The following CFAP57 variants were observed in gnomAD, a reference collection of about 807,000 sequenced individuals.
CFAP57 encodes the protein cilia- and flagella-associated protein 57.
Under a neutral mutation model 146.8 loss-of-function variants are expected in CFAP57, and 116 were observed. The observed-to-expected ratio is 0.79, with a 90% CI of 0.68 to 0.92. The LOEUF (loss-of-function observed/expected upper bound fraction) is 0.92, where lower values mean the gene tolerates loss of function less well. Among genes scored for constraint, CFAP57 ranks in the 40% least tolerant of loss-of-function variants. CFAP57 has a pLI of 0.00. For synonymous variants in CFAP57, 518 were observed against 552.8 expected, an observed-to-expected ratio of 0.94 and a Z score of 0.88; for missense variants, 1,377 against 1,527.2, an observed-to-expected ratio of 0.90 and a Z score of 1.64.
intron 22 of CFAP57, chr1:43,250,110 TCTTTTA>T (rs1646281638): frequency 6.6e-6 from 1 of 152,382 alleles, no homozygotes; most frequent in African/African-American, 2.4e-5. Context: ...GTATGAGTGC[TCTTTTA>T]CTTATAAGCC....
intron 6 of CFAP57, among the ~76,000 whole-genome samples, chr1:43,194,454 A>G (rs1245244104): frequency 6.6e-6 from 1 of 152,128 alleles, no homozygotes; most frequent in Admixed American, 6.5e-5. Context: ...CTTGGAGTTC[A>G]TTGAGCTTCC....
Position 43,241,018 on chromosome 1 carries a change from C to T in CFAP57, c.3406-2209C>T, listed in dbSNP as rs535995445. On this transcript the variant is annotated intron_variant, in intron 21 of 22. Coordinates refer to ENST00000372492, the MANE Select transcript of CFAP57 (RefSeq NM_001378189.1). Reference sequence around the variant, plus strand: ...CCCGGCTAACTGTTTGTATTTTTAGCGTAGACGGGGTTTCACCATGTTAGC... The same window carrying T: ...CCCGGCTAACTGTTTGTATTTTTAGTGTAGACGGGGTTTCACCATGTTAGC... Among the ~76,000 whole-genome samples the T allele has an allele frequency of 2.6e-5, 4 of 152,220 alleles. 1 individual carries two copies. The highest frequency in any genetic ancestry group is 4.8e-5 in the African/African-American group (2 of 41,534).
chr1:43,246,987 A>C (rs929484770), intron 22 of CFAP57, among the ~76,000 whole-genome samples: 1 of 152,236 alleles, frequency 6.6e-6, no homozygotes, highest in Non-Finnish European at 1.5e-5. Flanking sequence ...CCCATATCAC[A>C]GTTCTTCTTC....
intron 21 of CFAP57, among the ~76,000 whole-genome samples, chr1:43,239,102 G>A (rs1201619743): frequency 6.6e-6 from 1 of 152,032 alleles, no homozygotes. Context: ...GGTTGGGCAG[G>A]GGCCCAACCA....
At chr1:43,222,701 G>A (rs1336988447) in intron 15 of CFAP57, 123 bp from the exon 16 acceptor site, 2 of 1,158,352 alleles carry the variant, frequency 1.7e-6, no homozygotes, top group East Asian at 5.4e-5. Context: ...TCCGTTTCTG[G>A]AATGACACTC....
chr1:43,203,466 T>TTA (rs1215592499), intron 9 of CFAP57, among the ~76,000 whole-genome samples: 2 of 151,820 alleles, frequency 1.3e-5, no homozygotes, highest in Non-Finnish European at 2.9e-5. Flanking sequence ...AAATATATAT[T>TTA]TATATATATA....
At chr1:43,213,190 C>T (rs146409895) in intron 11 of CFAP57, among the ~76,000 whole-genome samples, 101 of 152,118 alleles carry the variant, frequency 6.6e-4, no homozygotes, top group South Asian at 2.7e-3. Context: ...TGGGTTCAAG[C>T]GATTCTTCCA....
At chr1:43,214,534 A>G (rs1644760905) in intron 11 of CFAP57, among the ~76,000 whole-genome samples, 1 of 152,082 alleles carries the variant, frequency 6.6e-6, no homozygotes, top group Non-Finnish European at 1.5e-5. Flanking sequence ...GATATTTTTA[A>G]TTTTTTCCAG....
chr1:43,173,986 C>T (rs1376560110), intron 2 of CFAP57, among the ~76,000 whole-genome samples: 1 of 152,140 alleles, frequency 6.6e-6, no homozygotes, highest in African/African-American at 2.4e-5. Context: ...TTGTGGTTTT[C>T]GTTTGCATTT....
intron 22 of CFAP57, among the ~76,000 whole-genome samples, chr1:43,244,706 C>T (rs1646048009): frequency 6.6e-6 from 1 of 151,730 alleles, no homozygotes; most frequent in Non-Finnish European, 1.5e-5. Flanking sequence ...AGATCGAGAC[C>T]ATCCTGGCCA....
At chr1:43,245,504 T>G (rs1646082069) in intron 22 of CFAP57, among the ~76,000 whole-genome samples, 1 of 152,086 alleles carries the variant, frequency 6.6e-6, no homozygotes, top group African/African-American at 2.4e-5. Flanking sequence ...AGTCCCCTAC[T>G]TCCAACAAAT....
intron 16 of CFAP57, 23 bp from the exon 17 acceptor site, chr1:43,224,020 TTTG>T (rs1645148345): frequency 6.5e-7 from 1 of 1,549,790 alleles, no homozygotes; most frequent in Admixed American, 2.0e-5. Context: ...TTTAGTGGTC[TTTG>T]TTGTTGCTGT....
chr1:43,226,506 G>A (rs1001544743), intron 17 of CFAP57, among the ~76,000 whole-genome samples: 1 of 152,206 alleles, frequency 6.6e-6, no homozygotes, highest in African/African-American at 2.4e-5. Context: ...CCCAATGCAG[G>A]TGTCCCAAGA....
At chr1:43,192,195 A>G (rs1643577332) in intron 6 of CFAP57, among the ~76,000 whole-genome samples, 1 of 152,196 alleles carries the variant, frequency 6.6e-6, no homozygotes, top group Non-Finnish European at 1.5e-5. Context: ...TGCACTTGAG[A>G]AGAATGTATA....
intron 1 of CFAP57, 94 bp downstream of exon 1, chr1:43,172,547 C>T: frequency 3.5e-6 from 3 of 863,264 alleles, no homozygotes; most frequent in Non-Finnish European, 4.8e-6. Context: ...GGTGGGGTGG[C>T]GCGGAGGAGG....
intron 2 of CFAP57, among the ~76,000 whole-genome samples, chr1:43,173,540 A>G (rs11807566): frequency 0.022 from 3,285 of 152,298 alleles, 119 homozygotes; most frequent in African/African-American, 0.076. Context: ...AGCATAGGAA[A>G]CAGAATATTA....
chr1:43,242,348 G>A (rs765561305), intron 21 of CFAP57, among the ~76,000 whole-genome samples: 7 of 152,170 alleles, frequency 4.6e-5, no homozygotes, highest in Non-Finnish European at 1.0e-4. Context: ...AAGAGCAGAA[G>A]CTAAGATTTA....
intron 9 of CFAP57, among the ~76,000 whole-genome samples, chr1:43,199,946 A>C (rs1011637404): frequency 2.0e-5 from 3 of 152,238 alleles, no homozygotes; most frequent in Non-Finnish European, 4.4e-5. Flanking sequence ...TGGAGAGGTC[A>C]CAAGGGCCCA....
chr1:43,227,116 A>C lies in CFAP57; in HGVS notation c.2999A>C (p.Gln1000Pro), dbSNP rs1645275807. 2.0e-6 allele frequency: 3 copies of C among 1,533,908 alleles called. No homozygotes were observed. Among genetic ancestry groups the C allele is most frequent in the Non-Finnish European group, 2.6e-6 (3 of 1,139,842 alleles). ...AATGAGATCAGGGTGATGAAGGAACAGATTCAGGAGGTAAGAAGCCATTTG... is the reference window on the plus strand; with the variant it reads ...AATGAGATCAGGGTGATGAAGGAACCGATTCAGGAGGTAAGAAGCCATTTG... ...RENEIRVMKE[Q>P]IQEMEAELEN... The change falls in exon 18 of 23, where the codon CAG becomes CCG. Residue 1000 changes from glutamine (Q) to proline (P), a missense_variant. Gln to Pro is a moderately conservative substitution (Grantham distance 76). Coordinates refer to ENST00000372492, the MANE Select transcript of CFAP57 (RefSeq NM_001378189.1).
Sources: gnomAD v4.1 joint callset for allele counts (sites outside exome capture counted in the v4.1 genomes callset) on GRCh38, gnomAD v4.1.1 for gene constraint, MANE v1.5 for transcripts, NCBI Gene and HGNC (gene_info 2026-07-23, HGNC 2026-07-21) for gene names.